CACNA2D3: variants seen among roughly 807,000 people sequenced by gnomAD.
The protein encoded by CACNA2D3 is voltage-dependent calcium channel subunit alpha-2/delta-3.
Under a neutral mutation model 160.6 loss-of-function variants are expected in CACNA2D3, and 60 were observed. The observed-to-expected ratio is 0.37, with a 90% CI of 0.30 to 0.46. The LOEUF (loss-of-function observed/expected upper bound fraction) is 0.46, where lower values mean the gene tolerates loss of function less well. CACNA2D3 is among the 20% of genes least tolerant of loss of function. CACNA2D3 has a pLI of 1.00. For missense variants in CACNA2D3, 1,205 were observed against 1,365.0 expected (o/e 0.88, Z 1.85); for synonymous variants, 558 against 492.9 (o/e 1.13, Z -1.75).
At chr3:54,862,378 T>TAC (rs113055285) in intron 17 of CACNA2D3, among the ~76,000 whole-genome samples, 14,848 of 149,612 alleles carry the variant, frequency 0.099, 1,013 homozygotes, top group East Asian at 0.31. Context: ...TAAATAAAAT[T>TAC]ACACACACAC....
At chr3:54,463,232 G>C (rs1348903696) in intron 4 of CACNA2D3, among the ~76,000 whole-genome samples, 1 of 151,958 alleles carries the variant, frequency 6.6e-6, no homozygotes, top group African/African-American at 2.4e-5. Flanking sequence ...TTCAACTTTG[G>C]TGAGTCTGAC....
At chr3:54,782,104 AT>A (rs1702548670) in intron 13 of CACNA2D3, among the ~76,000 whole-genome samples, 1 of 152,196 alleles carries the variant, frequency 6.6e-6, no homozygotes. Context: ...AATTGAGAAA[AT>A]TTTTGGTGTT....
intron 27 of CACNA2D3, chr3:54,918,613 A>G (rs994067936): frequency 6.2e-7 from 1 of 1,613,962 alleles, no homozygotes; most frequent in African/African-American, 1.3e-5. Context: ...AATCCCACAC[A>G]CAACGCCAGT....
intron 13 of CACNA2D3, among the ~76,000 whole-genome samples, chr3:54,783,158 C>T (rs750225241): frequency 7.9e-5 from 12 of 152,080 alleles, no homozygotes; most frequent in African/African-American, 1.2e-4. Context: ...CTCCTGCATA[C>T]GTGTGTGTCC....
At position 54,658,911 on chromosome 3, in the gene CACNA2D3, C is replaced by T. The variant is rs558407701; in HGVS notation, c.1167+16670C>T. On this transcript the variant is annotated intron_variant, in intron 11 of 37. Transcript: ENST00000474759. ...CTGCCCCCTCATGCCCTCTGCGCAG[C>T]CCACTGTTCTCAGGCATGCAAGATA... 5.9e-5 allele frequency among the ~76,000 whole-genome samples: 9 copies of T among 152,202 alleles called. No individual in the cohort carries two copies. The East Asian group carries it at 1.7e-3, about 30-fold the overall frequency.
intron 27 of CACNA2D3, among the ~76,000 whole-genome samples, chr3:54,919,927 T>A (rs1559629552): frequency 6.6e-6 from 1 of 152,128 alleles, no homozygotes. Flanking sequence ...CACATCCTCC[T>A]CTCAGGAGCG....
intron 11 of CACNA2D3, among the ~76,000 whole-genome samples, chr3:54,671,649 G>A (rs1402947430): frequency 6.6e-6 from 1 of 152,146 alleles, no homozygotes; most frequent in Non-Finnish European, 1.5e-5. Context: ...AAATACAGCT[G>A]CTCCAGGGCA....
intron 25 of CACNA2D3, among the ~76,000 whole-genome samples, chr3:54,895,835 A>G (rs1316719369): frequency 6.6e-6 from 1 of 152,152 alleles, no homozygotes; most frequent in Non-Finnish European, 1.5e-5. Context: ...TCCAGAGGGA[A>G]TGTCAGGTCA....
At chr3:54,912,679 A>G (rs1048161730) in intron 27 of CACNA2D3, among the ~76,000 whole-genome samples, 1 of 151,942 alleles carries the variant, frequency 6.6e-6, no homozygotes, top group Admixed American at 6.6e-5. Flanking sequence ...CCATATCCCC[A>G]GCGTTCTCTC....
At chr3:54,806,252 G>A (rs968348636) in intron 13 of CACNA2D3, among the ~76,000 whole-genome samples, 2 of 152,130 alleles carry the variant, frequency 1.3e-5, no homozygotes, top group Non-Finnish European at 2.9e-5. Context: ...AGGAAAAGAG[G>A]AAGTCAAATT....
At chr3:54,516,844 A>G (rs1203427948) in intron 5 of CACNA2D3, among the ~76,000 whole-genome samples, 1 of 152,030 alleles carries the variant, frequency 6.6e-6, no homozygotes, top group Non-Finnish European at 1.5e-5. Flanking sequence ...GGGTGGGAGG[A>G]GGGGAATTAG....
At chr3:54,610,017 C>T (rs1698717186) in intron 9 of CACNA2D3, among the ~76,000 whole-genome samples, 1 of 152,148 alleles carries the variant, frequency 6.6e-6, no homozygotes, top group Non-Finnish European at 1.5e-5. Flanking sequence ...CTCTTCTAGC[C>T]TCTGGTGGTG....
rs186819961 is a variant in CACNA2D3 at position 54,234,381 on chromosome 3, A to G, written c.205-86061A>G. ...AGCAGATGCTGGTGAGGTTTTGGAG[A>G]AAAGGAAGCACTTATACACTGTCGA... On this transcript the variant is annotated intron_variant, in intron 2 of 37. Transcript: ENST00000474759. 9.1e-4 allele frequency among the ~76,000 whole-genome samples: 139 copies of G among 152,356 alleles called. 1 individual carries two copies. Among genetic ancestry groups the G allele is most frequent in the Non-Finnish European group, 1.6e-3 (111 of 68,026 alleles).
chr3:55,007,587 T>A (rs1227151329), intron 32 of CACNA2D3, among the ~76,000 whole-genome samples: 3 of 152,352 alleles, frequency 2.0e-5, no homozygotes, highest in Admixed American at 6.5e-5. Flanking sequence ...CACATCTCAC[T>A]AGAGTGGAGT....
chr3:55,005,788 T>C (rs1274038570), intron 32 of CACNA2D3, among the ~76,000 whole-genome samples: 2 of 152,228 alleles, frequency 1.3e-5, no homozygotes, highest in African/African-American at 2.4e-5. Flanking sequence ...AGACATAGTG[T>C]ACCTCTGGAT....
intron 13 of CACNA2D3, among the ~76,000 whole-genome samples, chr3:54,776,793 G>C (rs1702433431): frequency 6.6e-6 from 1 of 152,030 alleles, no homozygotes; most frequent in South Asian, 2.1e-4. Flanking sequence ...GCCTCCCCCT[G>C]GCCCCACATC....
At chr3:54,909,155 T>G (rs943340007) in intron 27 of CACNA2D3, among the ~76,000 whole-genome samples, 1 of 152,166 alleles carries the variant, frequency 6.6e-6, no homozygotes, top group Admixed American at 6.5e-5. Context: ...CAATCAAAGA[T>G]CCTAAGCTTT....
At chr3:54,919,084 C>T (rs1220586464) in intron 27 of CACNA2D3, among the ~76,000 whole-genome samples, 1 of 151,924 alleles carries the variant, frequency 6.6e-6, no homozygotes, top group Non-Finnish European at 1.5e-5. Flanking sequence ...ACTAAAAATG[C>T]CACACACTAA....
intron 2 of CACNA2D3, among the ~76,000 whole-genome samples, chr3:54,290,511 G>A (rs4928032): frequency 0.54 from 79,532 of 148,354 alleles, 21,165 homozygotes; most frequent in East Asian, 0.65. Context: ...CGATTCCTCA[G>A]GGATCTAGAA....
Sources: allele counts gnomAD v4.1 joint callset (sites outside exome capture counted in the v4.1 genomes callset), GRCh38; gene constraint gnomAD v4.1.1; transcripts MANE v1.5; gene names NCBI Gene and HGNC (gene_info 2026-07-23, HGNC 2026-07-21).